The following TTL variants were observed in gnomAD, a reference collection of about 807,000 sequenced individuals.
The protein encoded by TTL is tubulin--tyrosine ligase.
Under a neutral mutation model 41.1 loss-of-function variants are expected in TTL, and 10 were observed. That is an observed-to-expected ratio of 0.24 (90% CI 0.15 to 0.41). TTL has a LOEUF of 0.41. Among genes scored for constraint, TTL ranks in the 10% least tolerant of loss-of-function variants. TTL has a pLI of 1.00. For synonymous variants in TTL, 175 were observed against 175.5 expected, an observed-to-expected ratio of 1.00 and a Z score of 0.02; for missense variants, 367 against 460.4, an observed-to-expected ratio of 0.80 and a Z score of 1.86.
Position 112,528,906 on chromosome 2 carries a change from T to C in TTL, c.*111T>C. 1.1e-6 allele frequency: 1 copy of C among 889,524 alleles called. No homozygotes were observed. The highest frequency in any genetic ancestry group is 1.8e-6 in the Non-Finnish European group (1 of 548,668). The allele number at this position is 889,524 out of a possible 1,614,324, so 55.1% of individuals were successfully genotyped here. ...CCACAGCAGGGGAAAGAAAGGCAAC[T>C]CGCAAAGATGAGATGGAAGAAGGCA... On this transcript the variant is annotated 3_prime_UTR_variant, in exon 7 of 7. Transcript: ENST00000233336.
At position 112,502,986 on chromosome 2, in the gene TTL, C is replaced by T; in HGVS notation, c.680C>T (p.Pro227Leu). The T allele has an allele frequency of 6.2e-7, 1 of 1,614,086 alleles. No homozygotes were observed. Among genetic ancestry groups the T allele is most frequent in the Non-Finnish European group, 8.5e-7 (1 of 1,180,004 alleles). Reference sequence around the variant, plus strand: ...GGTGTGCTTCGGACTGCTTCAGAACCATATCATGTTGATAATTTCCAAGAC... The same window carrying T: ...GGTGTGCTTCGGACTGCTTCAGAACTATATCATGTTGATAATTTCCAAGAC... Reference protein sequence around the residue: ...REGVLRTASEPYHVDNFQDKT... With the variant: ...REGVLRTASELYHVDNFQDKT... The change falls in exon 5 of 7, where the codon CCA (proline) becomes CTA (leucine). Residue 227 changes from proline to leucine, a missense_variant. Transcript: ENST00000233336.
intron 3 of TTL, 134 bp downstream of exon 3, chr2:112,494,509 T>C (rs1327069801): frequency 1.5e-6 from 1 of 687,400 alleles, no homozygotes; most frequent in Non-Finnish European, 2.5e-6. Context: ...TAAATACCCA[T>C]CTATGTACTG....
In TTL at chr2:112,539,197, G is replaced by T. The variant is rs946369443; in HGVS notation, c.*10402G>T. The T allele has an allele frequency of 2.7e-5, 4 of 149,850 alleles. No individual in the cohort carries two copies. Among genetic ancestry groups the T allele is most frequent in the South Asian group, 2.2e-4 (1 of 4,650 alleles). The allele number at this position is 149,850 out of a possible 1,614,324, so 9.3% of individuals were successfully genotyped here. A position where few individuals can be genotyped will look rare whatever the true frequency, so the allele number is the denominator to read the frequency against. ...GGAGAGAAGGAGGGGAGCAAAGATT[G>T]AAAACTACCTATTGGATACTGTGCT... On this transcript the variant is annotated 3_prime_UTR_variant, in exon 7 of 7. Transcript: ENST00000233336.
intron 5 of TTL, among the ~76,000 whole-genome samples, chr2:112,511,560 CT>C (rs888194472): frequency 6.7e-6 from 1 of 150,058 alleles, no homozygotes; most frequent in African/African-American, 2.5e-5. Context: ...GTTTTCTTTT[CT>C]TTTTTTTTCT....
Position 112,529,021 on chromosome 2 carries a change from A to G in TTL, c.*226A>G, listed in dbSNP as rs1401052638. On this transcript the variant is annotated 3_prime_UTR_variant, in exon 7 of 7. Coordinates refer to ENST00000233336, the MANE Select transcript of TTL (RefSeq NM_153712.5). The stretch of plus-strand genomic sequence containing the variant: ...AGCAGTGCTGTTGAGACTTTTGAAA[A>G]CAACTTTGGTACACAAAGGCAGCTT... 6 of 556,984 alleles carry G rather than the reference A, an allele frequency of 1.1e-5. No homozygotes were observed. Among genetic ancestry groups the G allele is most frequent in the Non-Finnish European group, 1.9e-5 (6 of 311,314 alleles). The allele number at this position is 556,984 out of a possible 1,614,324, so 34.5% of individuals were successfully genotyped here.
chr2:112,514,466 G>A (rs1252927541), intron 5 of TTL, among the ~76,000 whole-genome samples: 1 of 151,652 alleles, frequency 6.6e-6, no homozygotes, highest in African/African-American at 2.4e-5. Flanking sequence ...AATATATTTT[G>A]TCTTTTTGTT....
chr2:112,486,492 C>T lies in TTL; in HGVS notation c.236+497C>T, dbSNP rs550253449. On this transcript the variant is annotated intron_variant, in intron 2 of 6. Transcript: ENST00000233336. ...GGCATTTCTGGGCAGGGGCTGGTCC[C>T]CAGAGAAGGGCATATATAGCCCGTA... Among the ~76,000 whole-genome samples the T allele has an allele frequency of 5.9e-5, 9 of 152,314 alleles. No individual in the cohort carries two copies. In the East Asian group the frequency reaches 1.5e-3, roughly 26 times the overall value.
chr2:112,509,681 G>A (rs996570164), intron 5 of TTL, among the ~76,000 whole-genome samples: 6 of 152,118 alleles, frequency 3.9e-5, no homozygotes, highest in Non-Finnish European at 7.4e-5. Flanking sequence ...GCTCGCGCAC[G>A]GTGCGCACAC....
At chr2:112,489,241 T>G (rs148132954) in intron 2 of TTL, among the ~76,000 whole-genome samples, 1 of 152,238 alleles carries the variant, frequency 6.6e-6, no homozygotes, top group Admixed American at 6.5e-5. Flanking sequence ...ATTTTACATA[T>G]GTAGCACATC....
At chr2:112,496,322 G>A (rs891406876) in intron 3 of TTL, among the ~76,000 whole-genome samples, 19 of 152,180 alleles carry the variant, frequency 1.2e-4, no homozygotes, top group African/African-American at 2.7e-4. Context: ...TATTTATTAT[G>A]TTTGGAAACC....
chr2:112,523,350 C>CTG lies in TTL; in HGVS notation c.1019+2947_1019+2948dup, dbSNP rs60321232. ...AAACTGTCTGTGGGTGTGTGTGTGT[C>CTG]TGTGTGTGTGTGTGTGTGTGTGTAT... On this transcript the variant is annotated intron_variant, in intron 6 of 6. Transcript: ENST00000233336. Among the ~76,000 whole-genome samples, 819 of 148,242 alleles carry CTG rather than the reference C, an allele frequency of 5.5e-3. 3 individuals carry two copies. The highest frequency in any genetic ancestry group is 0.019 in the East Asian group (98 of 5,066).
chr2:112,498,331 A>C (rs61079483), intron 3 of TTL, among the ~76,000 whole-genome samples: 4,685 of 152,198 alleles, frequency 0.031, 166 homozygotes, highest in African/African-American at 0.082. Flanking sequence ...CTAAAAAAAA[A>C]CCAAAAAACT....
intron 6 of TTL, among the ~76,000 whole-genome samples, chr2:112,524,549 T>G (rs1682324575): frequency 6.6e-6 from 1 of 152,218 alleles, no homozygotes; most frequent in South Asian, 2.1e-4. Context: ...TGGCCAGTGA[T>G]GAGCATTTTT....
chr2:112,488,479 C>T (rs1430030559), intron 2 of TTL, among the ~76,000 whole-genome samples: 6 of 152,146 alleles, frequency 3.9e-5, no homozygotes, highest in Non-Finnish European at 7.4e-5. Flanking sequence ...AGCTGCAAGC[C>T]GGGCGTGGTG....
intron 2 of TTL, among the ~76,000 whole-genome samples, chr2:112,491,925 A>G (rs746741785): frequency 6.6e-6 from 1 of 152,084 alleles, no homozygotes; most frequent in Non-Finnish European, 1.5e-5. Flanking sequence ...TCCCTACTCA[A>G]TTCCACGTCA....
At chr2:112,486,870 G>A (rs1222951629) in intron 2 of TTL, among the ~76,000 whole-genome samples, 1 of 152,170 alleles carries the variant, frequency 6.6e-6, no homozygotes, top group African/African-American at 2.4e-5. Flanking sequence ...GCTGTAAAAT[G>A]GGGAAATAAT....
chr2:112,502,561 C>T (rs1462259326), intron 4 of TTL, among the ~76,000 whole-genome samples: 2 of 150,426 alleles, frequency 1.3e-5, no homozygotes, highest in Non-Finnish European at 3.0e-5. Context: ...TGCTTGAACC[C>T]GGAAGGCGGA....
At chr2:112,485,116 G>A (rs189312110) in intron 1 of TTL, among the ~76,000 whole-genome samples, 7 of 152,016 alleles carry the variant, frequency 4.6e-5, no homozygotes, top group African/African-American at 1.7e-4. Flanking sequence ...CGCCCAGCTA[G>A]TTTTTGTGTT....
intron 2 of TTL, among the ~76,000 whole-genome samples, chr2:112,489,298 A>G (rs1029961575): frequency 2.0e-5 from 3 of 152,246 alleles, no homozygotes; most frequent in Non-Finnish European, 4.4e-5. Context: ...ATCTGAATTT[A>G]GATTACATAA....
Sources: gnomAD v4.1 joint callset for allele counts (sites outside exome capture counted in the v4.1 genomes callset) on GRCh38, gnomAD v4.1.1 for gene constraint, MANE v1.5 for transcripts, NCBI Gene and HGNC (gene_info 2026-07-23, HGNC 2026-07-21) for gene names.